Variants in SCARA5 observed in about 807,000 individuals in gnomAD.
The protein encoded by SCARA5 is scavenger receptor class A member 5.
SCARA5 carries 45 observed loss-of-function variants against 46.3 expected under a neutral mutation model. That is an observed-to-expected ratio of 0.97 (90% CI 0.76 to 1.24). The LOEUF is 1.24. Among genes scored for constraint, SCARA5 ranks in the 50% most tolerant of loss-of-function variants. SCARA5 has a pLI of 0.00. For synonymous variants in SCARA5, 333 were observed against 306.5 expected (o/e 1.09, Z -0.90); for missense variants, 680 against 689.0 (o/e 0.99, Z 0.15).
intron 3 of SCARA5, among the ~76,000 whole-genome samples, chr8:27,959,608 G>T (rs914420147): frequency 2.0e-5 from 3 of 152,316 alleles, no homozygotes; most frequent in East Asian, 3.9e-4. Context: ...GGAGGAACTG[G>T]GTTCACTTTC....
In SCARA5 at chr8:27,922,064, C is replaced by A. The variant is rs372992077; in HGVS notation, c.423G>T (p.Ala141=). 1.9e-6 allele frequency: 3 copies of A among 1,591,272 alleles called. No individual in the cohort carries two copies. Among genetic ancestry groups the A allele is most frequent in the Non-Finnish European group, 2.6e-6 (3 of 1,171,882 alleles). ...CCAGCCGCTGCACTGCGCCCGCCAGCGCCAGCAACGAGTCTGACTGGTTCT... is the reference window on the plus strand; with the variant it reads ...CCAGCCGCTGCACTGCGCCCGCCAGAGCCAGCAACGAGTCTGACTGGTTCT... ...ALQNQSDSLL[A]LAGAVQRLEG... The change falls in exon 4 of 9, where the codon GCG becomes GCT. Residue 141 remains alanine, a synonymous_variant. Coordinates refer to ENST00000354914, the MANE Select transcript of SCARA5 (RefSeq NM_173833.6).
At chr8:27,943,108 T>C (rs1232002209) in intron 3 of SCARA5, among the ~76,000 whole-genome samples, 1 of 152,098 alleles carries the variant, frequency 6.6e-6, no homozygotes, top group African/African-American at 2.4e-5. Context: ...GAAGGAGCCA[T>C]CCAACATAGA....
At chr8:27,982,718 C>T (rs2129977017) in intron 2 of SCARA5, among the ~76,000 whole-genome samples, 1 of 152,236 alleles carries the variant, frequency 6.6e-6, no homozygotes, top group East Asian at 1.9e-4. Context: ...CATCAGAGAG[C>T]AAGGGGTACC....
At position 27,961,690 on chromosome 8, in the gene SCARA5, G is replaced by A. The variant is rs547946918; in HGVS notation, c.241+4724C>T. 4.6e-5 allele frequency among the ~76,000 whole-genome samples: 7 copies of A among 152,158 alleles called. No individual in the cohort carries two copies. In the South Asian group the frequency reaches 1.0e-3, roughly 23 times the overall value. On this transcript the variant is annotated intron_variant, in intron 3 of 8. Transcript: ENST00000354914. ...TCCAAAGTCCCTACTTGTAACCAGC[G>A]TGAAGTCTACACGGTCCTGCCTGTC...
chr8:27,915,693 A>C (rs905918495), intron 4 of SCARA5, among the ~76,000 whole-genome samples: 3 of 152,214 alleles, frequency 2.0e-5, no homozygotes, highest in Non-Finnish European at 4.4e-5. Flanking sequence ...TGTTTTCATG[A>C]ATCCAGAGAT....
intron 2 of SCARA5, among the ~76,000 whole-genome samples, chr8:27,968,610 A>G (rs2129944040): frequency 6.6e-6 from 1 of 152,312 alleles, no homozygotes; most frequent in East Asian, 1.9e-4. Context: ...TCAGAGTAGG[A>G]GGTATAGCAT....
At chr8:27,878,963 A>G (rs1806765748) in intron 8 of SCARA5, among the ~76,000 whole-genome samples, 7 of 152,162 alleles carry the variant, frequency 4.6e-5, no homozygotes, top group Admixed American at 4.6e-4. Flanking sequence ...GATTGCTAGT[A>G]GGCCCAGCTA....
At chr8:27,898,984 G>C (rs769907216) in intron 7 of SCARA5, among the ~76,000 whole-genome samples, 1 of 152,204 alleles carries the variant, frequency 6.6e-6, no homozygotes, top group Non-Finnish European at 1.5e-5. Flanking sequence ...CTGGCCCTCT[G>C]CATCTCTCCC....
intron 3 of SCARA5, among the ~76,000 whole-genome samples, chr8:27,933,456 A>G (rs1443416908): frequency 6.9e-6 from 1 of 145,296 alleles, no homozygotes; most frequent in African/African-American, 2.5e-5. Context: ...TGGGAGGTAG[A>G]GGTTGCAGTG....
At chr8:27,932,612 T>A (rs1419361008) in intron 3 of SCARA5, among the ~76,000 whole-genome samples, 2 of 152,120 alleles carry the variant, frequency 1.3e-5, no homozygotes, top group Admixed American at 1.3e-4. Context: ...TTCCTCTTGG[T>A]GTCCCTTCTG....
chr8:27,883,492 A>G (rs916593860), intron 7 of SCARA5, among the ~76,000 whole-genome samples: 7 of 152,180 alleles, frequency 4.6e-5, no homozygotes, highest in Non-Finnish European at 1.5e-5. Flanking sequence ...TCTTATCAAA[A>G]TCATTAGGAA....
chr8:27,989,222 G>A (rs184522521), intron 1 of SCARA5, among the ~76,000 whole-genome samples: 148 of 124,734 alleles, frequency 1.2e-3, no homozygotes, highest in African/African-American at 4.0e-3. Flanking sequence ...TGCAACCTCC[G>A]CCTCCCGGGC....
intron 8 of SCARA5, among the ~76,000 whole-genome samples, chr8:27,876,334 C>G: frequency 6.6e-6 from 1 of 152,184 alleles, no homozygotes; most frequent in East Asian, 1.9e-4. Flanking sequence ...GGGGCACTAA[C>G]CACTGCTCTA....
chr8:27,883,322 A>G (rs1014792206), intron 7 of SCARA5, among the ~76,000 whole-genome samples: 1 of 152,174 alleles, frequency 6.6e-6, no homozygotes, highest in Non-Finnish European at 1.5e-5. Flanking sequence ...TCAGGGTGAA[A>G]CACATGGTCA....
At chr8:27,977,521 G>C (rs946894315) in intron 2 of SCARA5, among the ~76,000 whole-genome samples, 1 of 152,160 alleles carries the variant, frequency 6.6e-6, no homozygotes, top group Non-Finnish European at 1.5e-5. Context: ...CTTCCTGCCT[G>C]CCTAACCTTT....
chr8:27,920,140 C>T (rs565404932), intron 4 of SCARA5, among the ~76,000 whole-genome samples: 44 of 151,966 alleles, frequency 2.9e-4, no homozygotes, highest in Admixed American at 2.4e-3. Flanking sequence ...GCCCACAGCA[C>T]GAGTACAATG....
In SCARA5 at chr8:27,959,795, T is replaced by C. The variant is rs577452545; in HGVS notation, c.241+6619A>G. ...TGGGAAAAGCACAACACCATGTCTG[T>C]CTGGGAAGTCGGGAGGGAGGTTGTA... On this transcript the variant is annotated intron_variant, in intron 3 of 8. Coordinates refer to ENST00000354914, the MANE Select transcript of SCARA5 (RefSeq NM_173833.6). Among the ~76,000 whole-genome samples the C allele has an allele frequency of 8.2e-4, 125 of 152,304 alleles. 1 individual carries two copies. The highest frequency in any genetic ancestry group is 2.9e-3 in the African/African-American group (120 of 41,556).
At chr8:27,934,110 A>G (rs1162186553) in intron 3 of SCARA5, among the ~76,000 whole-genome samples, 1 of 152,188 alleles carries the variant, frequency 6.6e-6, no homozygotes, top group Non-Finnish European at 1.5e-5. Context: ...CTGTCCCCAT[A>G]TGGAACCAAA....
intron 2 of SCARA5, among the ~76,000 whole-genome samples, chr8:27,987,222 C>T (rs2129987096): frequency 6.6e-6 from 1 of 152,336 alleles, no homozygotes; most frequent in Non-Finnish European, 1.5e-5. Context: ...GAAGCATGGC[C>T]CTCGGAGTCA....
Sources: gnomAD v4.1 joint callset for allele counts (sites outside exome capture counted in the v4.1 genomes callset) on GRCh38, gnomAD v4.1.1 for gene constraint, MANE v1.5 for transcripts, NCBI Gene and HGNC (gene_info 2026-07-23, HGNC 2026-07-21) for gene names.